ALK: variants seen among roughly 807,000 people sequenced by gnomAD.
ALK encodes ALK receptor tyrosine kinase, also known as ALK tyrosine kinase receptor.
A neutral mutation model predicts 163.1 loss-of-function variants in ALK; 74 were observed. The observed-to-expected ratio is 0.45, with a 90% CI of 0.38 to 0.55. The LOEUF (loss-of-function observed/expected upper bound fraction) is 0.55, where lower values mean the gene tolerates loss of function less well. Among genes scored for constraint, ALK ranks in the 20% least tolerant of loss-of-function variants. The pLI is 0.00. For synonymous variants in ALK, 960 were observed against 843.2 expected (o/e 1.14, Z -2.40); for missense variants, 2,063 against 2,105.3 (o/e 0.98, Z 0.39).
At chr2:29,826,088 C>T (rs1665189056) in intron 1 of ALK, among the ~76,000 whole-genome samples, 1 of 152,090 alleles carries the variant, frequency 6.6e-6, no homozygotes, top group Admixed American at 6.5e-5. Context: ...AGGTGCCCAC[C>T]TGCAACTGTC....
chr2:29,277,589 T>G (rs13005169), intron 9 of ALK, among the ~76,000 whole-genome samples: 119,701 of 152,256 alleles, frequency 0.79, 48,546 homozygotes, highest in Non-Finnish European at 0.87. Context: ...CCAAATCTGT[T>G]GTAGCCGTGG....
In ALK at chr2:29,889,305, T is replaced by C. The variant is rs546448744; in HGVS notation, c.667+30688A>G. On this transcript the variant is annotated intron_variant, in intron 1 of 28. Transcript: ENST00000389048. ...ATATACTCTCTATATATATCACATATAAGCTAATGAGCAATGTTAACACAA... is the reference window on the plus strand; with the variant it reads ...ATATACTCTCTATATATATCACATACAAGCTAATGAGCAATGTTAACACAA... 3.3e-5 allele frequency among the ~76,000 whole-genome samples: 5 copies of C among 152,088 alleles called. No homozygotes were observed. The East Asian group carries it at 5.8e-4, about 18-fold the overall frequency.
intron 1 of ALK, among the ~76,000 whole-genome samples, chr2:29,760,544 T>A (rs1410581096): frequency 3.3e-5 from 5 of 152,144 alleles, no homozygotes; most frequent in Non-Finnish European, 7.4e-5. Context: ...CAGGGATGTT[T>A]CCAGTGCATT....
intron 3 of ALK, among the ~76,000 whole-genome samples, chr2:29,579,819 G>C (rs1674628792): frequency 1.3e-5 from 2 of 152,214 alleles, no homozygotes; most frequent in African/African-American, 4.8e-5. Context: ...AGCTCCCAAA[G>C]AGGGCGTAAT....
chr2:29,604,114 T>C (rs1675468207), intron 3 of ALK, among the ~76,000 whole-genome samples: 1 of 151,636 alleles, frequency 6.6e-6, no homozygotes, highest in Non-Finnish European at 1.5e-5. Flanking sequence ...GTAGATCAAA[T>C]CTGGCCCACT....
chr2:29,719,121 C>T (rs1007718431), intron 1 of ALK, among the ~76,000 whole-genome samples: 10 of 152,224 alleles, frequency 6.6e-5, no homozygotes, highest in African/African-American at 2.4e-4. Flanking sequence ...TTAGGCAATG[C>T]TTATTAAAGG....
At chr2:29,651,251 C>A (rs1372887722) in intron 3 of ALK, among the ~76,000 whole-genome samples, 1 of 152,042 alleles carries the variant, frequency 6.6e-6, no homozygotes, top group Non-Finnish European at 1.5e-5. Flanking sequence ...TGGTTGGGAA[C>A]GTGTAAAACA....
intron 4 of ALK, among the ~76,000 whole-genome samples, chr2:29,401,911 G>A (rs564919951): frequency 6.6e-6 from 1 of 152,262 alleles, no homozygotes; most frequent in South Asian, 2.1e-4. Context: ...ACTCCCCAGT[G>A]GTCTTCAATG....
chr2:29,736,202 T>C (rs900499857), intron 1 of ALK, among the ~76,000 whole-genome samples: 8 of 152,120 alleles, frequency 5.3e-5, no homozygotes, highest in Admixed American at 6.5e-5. Flanking sequence ...AATATTTACA[T>C]TATATGCTTG....
intron 4 of ALK, among the ~76,000 whole-genome samples, chr2:29,438,466 A>C (rs2148078893): frequency 6.6e-6 from 1 of 152,344 alleles, no homozygotes; most frequent in South Asian, 2.1e-4. Flanking sequence ...CATAGGAAAA[A>C]CCTGGAATAT....
intron 5 of ALK, among the ~76,000 whole-genome samples, chr2:29,335,334 C>A (rs1176082374): frequency 6.6e-6 from 1 of 152,130 alleles, no homozygotes; most frequent in African/African-American, 2.4e-5. Flanking sequence ...AGGGGGTTAC[C>A]TTTATATAGC....
intron 5 of ALK, among the ~76,000 whole-genome samples, chr2:29,381,213 T>C (rs1411873117): frequency 1.3e-5 from 2 of 152,272 alleles, no homozygotes; most frequent in African/African-American, 4.8e-5. Flanking sequence ...AATGAGGATA[T>C]TAGTCCCTGC....
intron 1 of ALK, among the ~76,000 whole-genome samples, chr2:29,878,345 G>A (rs1666774365): frequency 6.6e-6 from 1 of 152,122 alleles, no homozygotes; most frequent in South Asian, 2.1e-4. Flanking sequence ...ACTATTATAA[G>A]CCAAGCCTGT....
chr2:29,580,523 G>T (rs1396424978), intron 3 of ALK, among the ~76,000 whole-genome samples: 1 of 152,136 alleles, frequency 6.6e-6, no homozygotes, highest in Non-Finnish European at 1.5e-5. Context: ...GATTCAATCT[G>T]CTTTCTCCCA....
At chr2:29,517,723 T>C (rs1301025821) in intron 4 of ALK, among the ~76,000 whole-genome samples, 1 of 152,204 alleles carries the variant, frequency 6.6e-6, no homozygotes, top group East Asian at 1.9e-4. Flanking sequence ...CAGCCTTGCT[T>C]TTTCACCAGT....
At chr2:29,736,846 C>G (rs932210228) in intron 1 of ALK, among the ~76,000 whole-genome samples, 45 of 152,056 alleles carry the variant, frequency 3.0e-4, no homozygotes, top group African/African-American at 1.1e-3. Flanking sequence ...AAATTTAATA[C>G]TTGTCAAAAT....
chr2:29,338,229 AAG>A (rs1330930011), intron 5 of ALK, among the ~76,000 whole-genome samples: 2 of 152,198 alleles, frequency 1.3e-5, no homozygotes, highest in African/African-American at 4.8e-5. Flanking sequence ...AAACAAATGC[AAG>A]AGTCATTTCC....
intron 1 of ALK, among the ~76,000 whole-genome samples, chr2:29,829,875 G>C (rs565965759): frequency 6.6e-6 from 1 of 152,160 alleles, no homozygotes; most frequent in Non-Finnish European, 1.5e-5. Flanking sequence ...TCTTTTTAGT[G>C]GCTACACAGC....
At chr2:29,480,039 T>C (rs1230139952) in intron 4 of ALK, among the ~76,000 whole-genome samples, 1 of 152,166 alleles carries the variant, frequency 6.6e-6, no homozygotes, top group Non-Finnish European at 1.5e-5. Flanking sequence ...AACAGCAGCT[T>C]TAAAAATACA....
Sources: gnomAD v4.1 joint callset for allele counts (sites outside exome capture counted in the v4.1 genomes callset) on GRCh38, gnomAD v4.1.1 for gene constraint, MANE v1.5 for transcripts, NCBI Gene and HGNC (gene_info 2026-07-23, HGNC 2026-07-21) for gene names.